MEIS2: variants seen among roughly 807,000 people sequenced by gnomAD.
MEIS2 encodes the protein Meis homeobox 2.
A neutral mutation model predicts 58.6 loss-of-function variants in MEIS2; 9 were observed. That is an observed-to-expected ratio of 0.15 (90% CI 0.09 to 0.27). The LOEUF is 0.27. Ranked by LOEUF, MEIS2 falls within the 10% of genes least tolerant of loss-of-function variation. The probability of loss-of-function intolerance (pLI) is 1.00; values close to 1 mark genes in which losing one functional copy is unlikely to be tolerated. For synonymous variants in MEIS2, 221 were observed against 228.4 expected, an observed-to-expected ratio of 0.97 and a Z score of 0.29; for missense variants, 427 against 635.0, an observed-to-expected ratio of 0.67 and a Z score of 3.52.
At chr15:36,977,058 G>A (rs1012238207) in intron 8 of MEIS2, among the ~76,000 whole-genome samples, 2 of 152,124 alleles carry the variant, frequency 1.3e-5, no homozygotes, top group Non-Finnish European at 1.5e-5. Context: ...CCTGGGAGGT[G>A]GAGGTTGCAG....
intron 7 of MEIS2, among the ~76,000 whole-genome samples, chr15:37,040,122 T>A (rs1481598807): frequency 2.0e-5 from 3 of 151,368 alleles, no homozygotes; most frequent in Admixed American, 2.0e-4. Flanking sequence ...TAGTTGGCAA[T>A]CCTTGGCACA....
chr15:37,010,717 C>T (rs144612663), intron 8 of MEIS2, among the ~76,000 whole-genome samples: 12 of 152,290 alleles, frequency 7.9e-5, no homozygotes, highest in Admixed American at 5.2e-4. Context: ...AGCTCCTTAG[C>T]GTTATTCAGA....
At chr15:36,955,295 A>G (rs2058918053) in intron 8 of MEIS2, among the ~76,000 whole-genome samples, 1 of 152,186 alleles carries the variant, frequency 6.6e-6, no homozygotes, top group South Asian at 2.1e-4. Context: ...CTAAATTCCC[A>G]TAGCAATTTA....
At chr15:36,894,698 C>T (rs1443825396) in intron 11 of MEIS2, 42 of 1,562,636 alleles carry the variant, frequency 2.7e-5, no homozygotes, top group East Asian at 2.0e-4. Context: ...GAAGACAGAT[C>T]GCACCCGACT....
chr15:37,091,878 A>G (rs1893568221), intron 6 of MEIS2, among the ~76,000 whole-genome samples: 1 of 152,206 alleles, frequency 6.6e-6, no homozygotes, highest in South Asian at 2.1e-4. Context: ...AACCATGTAA[A>G]TAGATCCCTC....
At chr15:36,957,035 G>A (rs2059005150) in intron 8 of MEIS2, among the ~76,000 whole-genome samples, 1 of 152,006 alleles carries the variant, frequency 6.6e-6, no homozygotes, top group African/African-American at 2.4e-5. Context: ...CTTTAGAATT[G>A]AAGATTTTTT....
intron 7 of MEIS2, among the ~76,000 whole-genome samples, chr15:37,069,595 C>T (rs1890409355): frequency 6.6e-6 from 1 of 152,154 alleles, no homozygotes; most frequent in South Asian, 2.1e-4. Context: ...CCACACATTA[C>T]TGAGGGGTAG....
intron 8 of MEIS2, among the ~76,000 whole-genome samples, chr15:36,986,809 A>T (rs1007657785): frequency 1.3e-5 from 2 of 152,194 alleles, no homozygotes; most frequent in Admixed American, 1.3e-4. Context: ...TTGCTTTTTA[A>T]GATTACTAAT....
chr15:37,035,216 GA>G (rs1235670359), intron 8 of MEIS2, among the ~76,000 whole-genome samples: 1 of 152,138 alleles, frequency 6.6e-6, no homozygotes, highest in African/African-American at 2.4e-5. Flanking sequence ...TTAAAAATGA[GA>G]AACCCCTCCC....
chr15:37,081,945 T>A (rs1892260509), intron 7 of MEIS2, among the ~76,000 whole-genome samples: 1 of 152,214 alleles, frequency 6.6e-6, no homozygotes, highest in Admixed American at 6.5e-5. Flanking sequence ...GCTAAAACTT[T>A]ATGCTTTGCT....
chr15:37,053,463 AGAG>A (rs765982192), intron 7 of MEIS2, among the ~76,000 whole-genome samples: 1 of 152,086 alleles, frequency 6.6e-6, no homozygotes, highest in Non-Finnish European at 1.5e-5. Context: ...TATTCCTAAC[AGAG>A]GGTCTTGGCA....
intron 9 of MEIS2, among the ~76,000 whole-genome samples, chr15:36,905,631 C>T (rs1385222408): frequency 6.6e-6 from 1 of 151,886 alleles, no homozygotes; most frequent in African/African-American, 2.4e-5. Flanking sequence ...TGTTTTAATC[C>T]TAAAAAAAAT....
chr15:37,040,880 T>A (rs982993808), intron 7 of MEIS2, among the ~76,000 whole-genome samples: 12 of 152,210 alleles, frequency 7.9e-5, no homozygotes, highest in Admixed American at 4.6e-4. Flanking sequence ...AAAAGGAATT[T>A]GTAATTTCAA....
chr15:36,957,834 C>T (rs1396659236), intron 8 of MEIS2, among the ~76,000 whole-genome samples: 2 of 152,158 alleles, frequency 1.3e-5, no homozygotes, highest in Non-Finnish European at 2.9e-5. Flanking sequence ...GGCTGTGCCA[C>T]AGATAAGATG....
In MEIS2 at chr15:36,891,182, AAAG is replaced by A. The variant is rs1395462206; in HGVS notation, c.*988_*990del. ...TTCTAGTGAGGAACACGTGCTGAGA[AAAG>A]AAGAATTCATGGACATACAATACCA... is the stretch of plus-strand genomic sequence containing the variant. On this transcript the variant is annotated 3_prime_UTR_variant, in exon 12 of 12. Coordinates refer to ENST00000561208, the MANE Select transcript of MEIS2 (RefSeq NM_170675.5). 1.3e-5 allele frequency: 2 copies of A among 152,658 alleles called. No individual in the cohort carries two copies. The highest frequency in any genetic ancestry group is 4.8e-5 in the African/African-American group (2 of 41,448). The allele number at this position is 152,658 out of a possible 1,614,324, so 9.5% of individuals were successfully genotyped here.
rs531705164 is a variant in MEIS2, at chr15:37,026,047, TA to T, written c.900+10766del. Among the ~76,000 whole-genome samples, 44 of 149,814 alleles carry T rather than the reference TA, an allele frequency of 2.9e-4. No individual in the cohort carries two copies. In the South Asian group the frequency reaches 3.8e-3, roughly 13 times the overall value. On this transcript the variant is annotated intron_variant, in intron 8 of 11. Coordinates refer to ENST00000561208, the MANE Select transcript of MEIS2 (RefSeq NM_170675.5). ...ATGTTCCCATGTTCTCTTACTACTT[TA>T]AAAAAAAAATCACTGTGAGGAAGGG...
intron 8 of MEIS2, 101 bp from the exon 9 acceptor site, chr15:36,950,501 G>T: frequency 8.8e-7 from 1 of 1,133,598 alleles, no homozygotes; most frequent in Non-Finnish European, 1.3e-6. Flanking sequence ...TTAGTCTATG[G>T]CTTGATTTTC....
chr15:37,034,462 A>G (rs1045580168), intron 8 of MEIS2, among the ~76,000 whole-genome samples: 2 of 152,214 alleles, frequency 1.3e-5, no homozygotes, highest in Non-Finnish European at 2.9e-5. Context: ...CATACATTCA[A>G]CTAGATGAAA....
intron 7 of MEIS2, among the ~76,000 whole-genome samples, chr15:37,082,623 G>A (rs1004638807): frequency 6.6e-6 from 1 of 152,098 alleles, no homozygotes; most frequent in Non-Finnish European, 1.5e-5. Context: ...TATTATATAG[G>A]TGCAAGTTGC....
Sources: allele counts gnomAD v4.1 joint callset (sites outside exome capture counted in the v4.1 genomes callset), GRCh38; gene constraint gnomAD v4.1.1; transcripts MANE v1.5; gene names NCBI Gene and HGNC (gene_info 2026-07-23, HGNC 2026-07-21).